The following ZNF782 variants were observed in gnomAD, a reference collection of about 807,000 sequenced individuals.
ZNF782 encodes the protein zinc finger protein 782.
Under a neutral mutation model 13.0 loss-of-function variants are expected in ZNF782, and 12 were observed. The observed-to-expected ratio is 0.92, with a 90% CI of 0.59 to 1.50. ZNF782 has a LOEUF of 1.50. Ranked by LOEUF, ZNF782 falls within the 40% of genes most tolerant of loss-of-function variation. The pLI, the probability that ZNF782 is intolerant of heterozygous loss-of-function variation, is 0.00. For synonymous variants in ZNF782, 284 were observed against 283.0 expected, an observed-to-expected ratio of 1.00 and a Z score of -0.04; for missense variants, 770 against 822.9, an observed-to-expected ratio of 0.94 and a Z score of 0.79.
chr9:96,818,914 T>A lies in ZNF782; in HGVS notation c.1109A>T (p.Glu370Val), dbSNP rs1417738517. 10 of 1,614,258 alleles carry A rather than the reference T, an allele frequency of 6.2e-6. No homozygotes were observed. Among genetic ancestry groups the A allele is most frequent in the Non-Finnish European group, 8.5e-6 (10 of 1,180,042 alleles). ...ATTCATAGAGCAGGATTTCCCACAT[T>A]CATTATACTCATAGGGTTTTGCCCT... is the stretch of plus-strand genomic sequence containing the variant. ...HIRAKPYEYN[E>V]CGKSCSMNSH... The change falls in exon 6 of 6, where the codon GAA becomes GTA. Residue 370 changes from glutamate to valine, a missense_variant. Glu to Val is a moderately radical substitution (Grantham distance 121, BLOSUM62 -2). Coordinates refer to ENST00000481138, the MANE Select transcript of ZNF782 (RefSeq NM_001001662.3).
chr9:96,888,185 AAAG>A, the ZNF782 span: 3 of 152,152 alleles, frequency 2.0e-5, no homozygotes, highest in African/African-American at 4.8e-5. Context: ...AGAAAAAAAA[AAAG>A]AAAATGAAAA....
chr9:96,926,391 G>A, the ZNF782 span, among the ~76,000 whole-genome samples: 1 of 152,174 alleles, frequency 6.6e-6, no homozygotes, highest in Non-Finnish European at 1.5e-5. Flanking sequence ...TGTTTGGTTT[G>A]GTTTTGGTAA....
chr9:96,821,574 T>C (rs150094334), intron 5 of ZNF782, among the ~76,000 whole-genome samples: 275 of 152,306 alleles, frequency 1.8e-3, no homozygotes, highest in African/African-American at 6.1e-3. Flanking sequence ...GAAAAAATTA[T>C]CATCATTCAA....
At chr9:96,820,589 G>A (rs569801395) in intron 5 of ZNF782, among the ~76,000 whole-genome samples, 44 of 147,562 alleles carry the variant, frequency 3.0e-4, no homozygotes, top group South Asian at 6.4e-4. Context: ...TTGCTCTGTC[G>A]CCCAGGCTGG....
At chr9:96,877,983 T>C (rs933355506), upstream of ZNF782, among the ~76,000 whole-genome samples, 3 of 152,252 alleles carry the variant, frequency 2.0e-5, no homozygotes, top group African/African-American at 7.2e-5. Context: ...CCATATTTGT[T>C]CGCTTTGTAG....
chr9:96,927,056 C>G, the ZNF782 span, among the ~76,000 whole-genome samples: 1 of 152,038 alleles, frequency 6.6e-6, no homozygotes, highest in South Asian at 2.1e-4. Flanking sequence ...AGTGCTCTTT[C>G]CTGTCATTCT....
intron 3 of ZNF782, among the ~76,000 whole-genome samples, chr9:96,849,248 C>T (rs1359341654): frequency 2.0e-5 from 3 of 152,232 alleles, no homozygotes; most frequent in Non-Finnish European, 4.4e-5. Context: ...AGCACCCAAT[C>T]TAGATCCCTT....
At position 96,817,039 on chromosome 9, in the gene ZNF782, T is replaced by C. The variant is rs1434234619; in HGVS notation, c.*884A>G. The C allele has an allele frequency of 6.6e-6, 1 of 152,204 alleles. No homozygotes were observed. The highest frequency in any genetic ancestry group is 1.9e-4 in the East Asian group (1 of 5,192). 9.4% of individuals were successfully genotyped at this position (152,204 alleles called of 1,614,324 possible). A position where few individuals can be genotyped will look rare whatever the true frequency, so the allele number is the denominator to read the frequency against. On this transcript the variant is annotated 3_prime_UTR_variant, in exon 6 of 6. Coordinates refer to ENST00000481138, the MANE Select transcript of ZNF782 (RefSeq NM_001001662.3). ...ATTTCCTCACTGCAAGAAGTCCAAC[T>C]GTGTACAGGGAGGAGAAAACTCCAT... is the stretch of plus-strand genomic sequence containing the variant.
chr9:96,908,359 T>C, the ZNF782 span, among the ~76,000 whole-genome samples: 60 of 152,360 alleles, frequency 3.9e-4, 1 homozygote, highest in Admixed American at 1.3e-4. Context: ...TTACAGCACT[T>C]GAGTGCCCAG....
chr9:96,925,210 C>T, the ZNF782 span, among the ~76,000 whole-genome samples: 4 of 152,210 alleles, frequency 2.6e-5, no homozygotes, highest in Non-Finnish European at 4.4e-5. Flanking sequence ...TACACAGGCG[C>T]GCGGGGCAGG....
chr9:96,882,094 A>G, the ZNF782 span, among the ~76,000 whole-genome samples: 824 of 152,160 alleles, frequency 5.4e-3, 7 homozygotes, highest in African/African-American at 0.019. Flanking sequence ...ACAAGTGTTC[A>G]GGCTTTCAAT....
At chr9:96,867,322 T>G (rs1208547051) in intron 1 of ZNF782, among the ~76,000 whole-genome samples, 1 of 152,192 alleles carries the variant, frequency 6.6e-6, no homozygotes, top group East Asian at 1.9e-4. Context: ...GGAGTTTCCC[T>G]ATACAAGCTT....
chr9:96,900,716 G>C, the ZNF782 span, among the ~76,000 whole-genome samples: 5 of 152,268 alleles, frequency 3.3e-5, no homozygotes, highest in East Asian at 9.6e-4. Context: ...ACTCCAGTCT[G>C]GGCAACAAGA....
chr9:96,874,597 C>A (rs536112078), intron 1 of ZNF782, among the ~76,000 whole-genome samples: 2 of 152,180 alleles, frequency 1.3e-5, no homozygotes, highest in Non-Finnish European at 2.9e-5. Context: ...AATGACATCA[C>A]CAGATCCAGC....
At chr9:96,889,629 G>C in the ZNF782 span, 1 of 152,166 alleles carries the variant, frequency 6.6e-6, no homozygotes, top group Non-Finnish European at 1.5e-5. Flanking sequence ...TCGAACTACC[G>C]ATCTCAGGTG....
chr9:96,920,099 C>T, the ZNF782 span, among the ~76,000 whole-genome samples: 1 of 150,110 alleles, frequency 6.7e-6, no homozygotes, highest in South Asian at 2.1e-4. Flanking sequence ...ATGCCAACAA[C>T]CTGATGCACT....
the ZNF782 span, among the ~76,000 whole-genome samples, chr9:96,919,565 G>GT: frequency 0.023 from 2,215 of 98,272 alleles, 135 homozygotes; most frequent in African/African-American, 0.076. Context: ...TCTCAAATGA[G>GT]TTTTTTTTTT....
At chr9:96,870,447 C>T (rs937240858) in intron 1 of ZNF782, among the ~76,000 whole-genome samples, 2 of 152,108 alleles carry the variant, frequency 1.3e-5, no homozygotes, top group African/African-American at 4.8e-5. Context: ...TGCTGAAGAA[C>T]TAGAAAAGTA....
chr9:96,930,843 C>T, the ZNF782 span, among the ~76,000 whole-genome samples: 9 of 127,368 alleles, frequency 7.1e-5, no homozygotes, highest in East Asian at 2.5e-3. Flanking sequence ...GTTCCTAGGG[C>T]GCTGGCTTGG....
Sources: gnomAD v4.1 joint callset for allele counts (sites outside exome capture counted in the v4.1 genomes callset) on GRCh38, gnomAD v4.1.1 for gene constraint, MANE v1.5 for transcripts, NCBI Gene and HGNC (gene_info 2026-07-23, HGNC 2026-07-21) for gene names.